Variants in PLPPR3 observed in about 807,000 individuals in gnomAD.
PLPPR3 encodes the protein phospholipid phosphatase related 3, also known as phospholipid phosphatase-related protein type 3.
In PLPPR3, 14 loss-of-function variants were observed where a neutral mutation model predicts 27.3. That is an observed-to-expected ratio of 0.51 (90% CI 0.34 to 0.80). PLPPR3 has a LOEUF of 0.80. Ranked by LOEUF, PLPPR3 falls within the 30% of genes least tolerant of loss-of-function variation. The probability of loss-of-function intolerance (pLI) is 0.01; values close to 1 mark genes in which losing one functional copy is unlikely to be tolerated. For synonymous variants in PLPPR3, 671 were observed against 508.0 expected, an observed-to-expected ratio of 1.32 and a Z score of -4.32; for missense variants, 1,287 against 1,056.9, an observed-to-expected ratio of 1.22 and a Z score of -3.02.
intron 2 of PLPPR3, among the ~76,000 whole-genome samples, chr19:817,271 C>G (rs1169342384): frequency 1.3e-5 from 2 of 152,030 alleles, no homozygotes; most frequent in African/African-American, 2.4e-5. Context: ...AGGCACCGCA[C>G]CCAGCCATGG....
chr19:823,455 A>AAAAAAAAAC (rs1568289373), upstream of PLPPR3, among the ~76,000 whole-genome samples: 1 of 131,986 alleles, frequency 7.6e-6, no homozygotes, highest in Admixed American at 8.0e-5. Context: ...AAAAAAAAAA[A>AAAAAAAAAC]AAACAAACAA....
chr19:816,915 TCCACCCATCCACCCAC>T (rs2035071466), intron 2 of PLPPR3, among the ~76,000 whole-genome samples: 1 of 144,852 alleles, frequency 6.9e-6, no homozygotes. Context: ...TGTCCATCCA[TCCACCCATCCACCCAC>T]CCACCCATCC....
At position 812,803 on chromosome 19, in the gene PLPPR3, A is replaced by G. The variant is rs754587059; in HGVS notation, c.1924T>C (p.Ser642Pro). ...AKPPGVSPGS[S>P]VSDVDQEEPR... ...TCCTCCTGGTCCACGTCGCTGACCG[A>G]CGAGCCGGGGGACACGCCCGGGGGC... Residue 642 changes from serine to proline, a missense_variant, in exon 8 of 8, where the codon TCG becomes CCG. By Grantham distance (74) the Ser-to-Pro change is moderately conservative. Transcript: ENST00000520876. 5.1e-4 allele frequency: 561 copies of G among 1,093,120 alleles called. 7 individuals carry two copies. In the Admixed American group the frequency reaches 0.022, roughly 43 times the overall value. 67.7% of individuals were successfully genotyped at this position (1,093,120 alleles called of 1,614,324 possible).
chr19:817,144 G>C (rs1286451323), intron 2 of PLPPR3, among the ~76,000 whole-genome samples: 1 of 152,016 alleles, frequency 6.6e-6, no homozygotes, highest in African/African-American at 2.4e-5. Context: ...TGCCTCCTGG[G>C]TTTTTGTATT....
chr19:815,288 G>GT lies in PLPPR3; in HGVS notation c.300_301insA (p.Arg101ThrfsTer219). The GT allele has an allele frequency of 6.4e-7, 1 of 1,552,048 alleles. No homozygotes were observed. Among genetic ancestry groups the GT allele is most frequent in the Non-Finnish European group, 8.7e-7 (1 of 1,149,912 alleles). ...GGCCCCCCGGCACGGCCCCACAGCCGGGACTGCAGACAGTACAACATGCCC... is the reference window on the plus strand; with the variant it reads ...GGCCCCCCGGCACGGCCCCACAGCCGTGGACTGCAGACAGTACAACATGCCC... On this transcript the variant is annotated frameshift_variant, in exon 4 of 8. Transcript: ENST00000520876. LOFTEE classifies it high-confidence loss of function.
chr19:814,313 G>T, intron 7 of PLPPR3, 121 bp downstream of exon 7: 1 of 961,658 alleles, frequency 1.0e-6, no homozygotes. Context: ...GACCCCCTGA[G>T]CCTGCCTCCC....
In PLPPR3 at chr19:812,734, C is replaced by A; in HGVS notation, c.1993G>T (p.Glu665Ter). Residue 665 changes from glutamate (E) to a stop codon, truncating the protein, a stop_gained, in exon 8 of 8, where the codon GAG (glutamate) becomes TAG (stop). Transcript: ENST00000520876. LOFTEE classifies it low-confidence loss of function (END_TRUNC). The part of the protein sequence containing the change: ...AVATVNLATG[E>*]GLPPLGAADG... ...GCCGCGCCCAGCGGGGGCAGCCCCT[C>A]GCCCGTGGCCAGGTTGACGGTGGCC... 9.4e-7 allele frequency: 1 copy of A among 1,065,626 alleles called. No homozygotes were observed. Among genetic ancestry groups the A allele is most frequent in the Non-Finnish European group, 1.1e-6 (1 of 881,020 alleles). 66.0% of individuals were successfully genotyped at this position (1,065,626 alleles called of 1,614,324 possible).
Position 815,713 on chromosome 19 carries a change from G to C in PLPPR3, c.214C>G (p.Pro72Ala). 1 of 1,609,246 alleles carries C rather than the reference G, an allele frequency of 6.2e-7. No homozygotes were observed. Among genetic ancestry groups the C allele is most frequent in the East Asian group, 2.2e-5 (1 of 44,594 alleles). Residue 72 changes from proline to alanine, a missense_variant, in exon 3 of 8, where the codon CCG (proline) becomes GCG (alanine). Transcript: ENST00000520876. ...GCCAAGCTGAGCAGCATCAGCAGCG[G>C]GATGAGCTCCTCGTTGGTCTCCACG... is the stretch of plus-strand genomic sequence containing the variant. ...PYVETNEELI[P>A]LLMLLSLAFA... is the part of the protein sequence containing the mutation.
rs2035146460 is a variant in PLPPR3, at chr19:821,568, GGGCGCCGCAGGCCGT to G, written c.-24_-10del. The G allele has an allele frequency of 6.8e-7, 1 of 1,477,050 alleles. No individual in the cohort carries two copies. The highest frequency in any genetic ancestry group is 1.5e-5 in the African/African-American group (1 of 68,064). 91.5% of individuals were successfully genotyped at this position (1,477,050 alleles called of 1,614,324 possible). A position where few individuals can be genotyped will look rare whatever the true frequency, so the allele number is the denominator to read the frequency against. ...TCCTTGGTGGAGATCATGGTGCCGC[GGGCGCCGCAGGCCGT>G]GGCTGGAGGGGAGAAAGCGGCGCTG... On this transcript the variant is annotated splice_region_variant and 5_prime_UTR_variant, in exon 2 of 8. Transcript: ENST00000520876.
intron 2 of PLPPR3, among the ~76,000 whole-genome samples, chr19:817,290 CT>C (rs199946738): frequency 0.02 from 2,945 of 150,634 alleles, 91 homozygotes; most frequent in African/African-American, 0.067. Flanking sequence ...GGCCTCAAGC[CT>C]TTTTTTTTCC....
Position 813,668 on chromosome 19 carries a change from G to A in PLPPR3, c.1059C>T (p.Ser353=), listed in dbSNP as rs1180433925. The A allele has an allele frequency of 3.3e-6, 5 of 1,534,766 alleles. No homozygotes were observed. The highest frequency in any genetic ancestry group is 4.9e-5 in the East Asian group (2 of 40,582). ...GCGGGGCCAGCAGGTCCACGTCCAC[G>A]CTGGCGCGCTTCAGGCTGCCCAGCG... ...KTSLGSLKRA[S]VDVDLLAPRS... Residue 353 remains serine, a synonymous_variant, in exon 8 of 8, where the codon AGC becomes AGT. Transcript: ENST00000520876. This position sits in a 1 kb window ranked among gnomAD's most constrained non-coding sequence, Gnocchi z 4.1.
upstream of PLPPR3, among the ~76,000 whole-genome samples, chr19:822,830 C>T (rs1041709577): frequency 2.6e-5 from 4 of 152,300 alleles, no homozygotes; most frequent in Middle Eastern, 3.4e-3. Flanking sequence ...TTACAAAAAT[C>T]GGTTTTTGGG....
rs904388834 is a variant in PLPPR3, at chr19:821,614, G to C, written c.-26-29C>G. Reference sequence around the variant, plus strand: ...GAGGGGAGAAAGCGGCGCTGGAGGGGGGCGCGCAGGCGGAGCCCGGGGGAG... The same window carrying C: ...GAGGGGAGAAAGCGGCGCTGGAGGGCGGCGCGCAGGCGGAGCCCGGGGGAG... On this transcript the variant is annotated intron_variant, in intron 1 of 7. Transcript: ENST00000520876. 2.3e-5 allele frequency: 31 copies of C among 1,371,720 alleles called. No individual in the cohort carries two copies. In the African/African-American group the frequency reaches 3.9e-4, roughly 17 times the overall value. The allele number at this position is 1,371,720 out of a possible 1,614,324, so 85.0% of individuals were successfully genotyped here.
Position 821,496 on chromosome 19 carries a change from A to G in PLPPR3, c.64T>C (p.Tyr22His). The G allele has an allele frequency of 6.6e-7, 1 of 1,513,342 alleles. No individual in the cohort carries two copies. The highest frequency in any genetic ancestry group is 8.9e-7 in the Non-Finnish European group (1 of 1,129,810). 93.7% of individuals were successfully genotyped at this position (1,513,342 alleles called of 1,614,324 possible). ...KDSMTLLPCF[Y>H]FVELPIVASS... ...CGACCCCCACCCACCTCCACGAAGTAGAAGCAGGGCAGAAGCGTCATGCTG... is the reference window on the plus strand; with the variant it reads ...CGACCCCCACCCACCTCCACGAAGTGGAAGCAGGGCAGAAGCGTCATGCTG... Residue 22 changes from tyrosine (Y) to histidine (H), a missense_variant, in exon 2 of 8, where the codon TAC (tyrosine) becomes CAC (histidine). Tyr to His is a moderately conservative substitution (Grantham distance 83). Coordinates refer to ENST00000520876, the MANE Select transcript of PLPPR3 (RefSeq NM_001270366.2).
chr19:812,570 C>T lies in PLPPR3; in HGVS notation c.2157G>A (p.Ter719=), dbSNP rs900209554. ...CCCGCCCGCCCCCGGCCCCGCCGCGCTAGTCGGGGAAGCGGCGCGCCTGCA... is the reference window on the plus strand; with the variant it reads ...CCCGCCCGCCCCCGGCCCCGCCGCGTTAGTCGGGGAAGCGGCGCGCCTGCA... ...RKMQARRFPD[*] is the part of the protein sequence containing the mutation. Residue 719 remains the stop codon, a stop_retained_variant, in exon 8 of 8, where the codon TAG becomes TAA. Transcript: ENST00000520876. 9 of 1,031,442 alleles carry T rather than the reference C, an allele frequency of 8.7e-6. No individual in the cohort carries two copies. In the African/African-American group the frequency reaches 8.8e-5, roughly 10 times the overall value. 63.9% of individuals were successfully genotyped at this position (1,031,442 alleles called of 1,614,324 possible).
intron 2 of PLPPR3, among the ~76,000 whole-genome samples, chr19:821,123 G>T (rs1289132836): frequency 1.3e-5 from 2 of 152,084 alleles, no homozygotes; most frequent in African/African-American, 2.4e-5. Flanking sequence ...AGACCCTGAG[G>T]CTTCGGAGCC....
chr19:817,643 G>A (rs1163907368), intron 2 of PLPPR3, among the ~76,000 whole-genome samples: 1 of 152,138 alleles, frequency 6.6e-6, no homozygotes, highest in South Asian at 2.1e-4. Flanking sequence ...TCCAGTCCTG[G>A]GGAGGGCACA....
rs1568288214 is a variant in PLPPR3 at position 821,530 on chromosome 19, G to C, written c.30C>G (p.Ile10Met). The change falls in exon 2 of 8, where the codon ATC becomes ATG. Residue 10 changes from isoleucine (I) to methionine (M), a missense_variant. Coordinates refer to ENST00000520876, the MANE Select transcript of PLPPR3 (RefSeq NM_001270366.2). MISTKEKNKIPKDSMTLLPC... is the reference protein window; with the variant it reads MISTKEKNKMPKDSMTLLPC... ...GCAGAAGCGTCATGCTGTCCTTCGG[G>C]ATCTTGTTCTTCTCCTTGGTGGAGA... 1.3e-6 allele frequency: 2 copies of C among 1,508,470 alleles called. No individual in the cohort carries two copies. The highest frequency in any genetic ancestry group is 1.5e-5 in the African/African-American group (1 of 68,866). The allele number at this position is 1,508,470 out of a possible 1,614,324, so 93.4% of individuals were successfully genotyped here.
chr19:820,892 G>A (rs1355923742), intron 2 of PLPPR3, among the ~76,000 whole-genome samples: 1 of 151,310 alleles, frequency 6.6e-6, no homozygotes, highest in East Asian at 2.0e-4. Flanking sequence ...TCCTGACCTA[G>A]GTGATCCACC....
Sources: gnomAD v4.1 joint callset for allele counts (sites outside exome capture counted in the v4.1 genomes callset) on GRCh38, gnomAD v4.1.1 for gene constraint, Gnocchi (gnomAD v3.1) non-coding constraint, MANE v1.5 for transcripts, NCBI Gene and HGNC (gene_info 2026-07-23, HGNC 2026-07-21) for gene names.